IL1RAPL2: variants seen among roughly 807,000 people sequenced by gnomAD.
IL1RAPL2 encodes X-linked interleukin-1 receptor accessory protein-like 2.
In IL1RAPL2, 3 loss-of-function variants were observed where a neutral mutation model predicts 44.1. The ratio of observed to expected loss-of-function variants is 0.07; its 90% CI spans 0.03 to 0.18. The LOEUF (loss-of-function observed/expected upper bound fraction) is 0.18, where lower values mean the gene tolerates loss of function less well. Ranked by LOEUF, IL1RAPL2 falls within the 10% of genes least tolerant of loss-of-function variation. IL1RAPL2 has a pLI of 1.00. For synonymous variants in IL1RAPL2, 181 were observed against 178.8 expected (o/e 1.01, Z -0.10); for missense variants, 391 against 496.4 (o/e 0.79, Z 2.02).
intron 2 of IL1RAPL2, among the ~76,000 whole-genome samples, chrX:104,664,757 A>G (rs1930460704): frequency 9.0e-6 from 1 of 111,577 alleles, no homozygotes; most frequent in South Asian, 3.8e-4. Flanking sequence ...TCATTGAGAT[A>G]CTTCCAATTC....
chrX:105,767,764 A>G lies in IL1RAPL2; in HGVS notation c.*103A>G, dbSNP rs1216533811. The G allele has an allele frequency of 1.1e-5, 7 of 610,677 alleles. No homozygotes were observed. The Admixed American group carries it at 1.7e-4, about 15-fold the overall frequency. 50.3% of individuals were successfully genotyped at this position (610,677 alleles called of 1,213,427 possible). A position where few individuals can be genotyped will look rare whatever the true frequency, so the allele number is the denominator to read the frequency against. On this transcript the variant is annotated 3_prime_UTR_variant, in exon 11 of 11. Transcript: ENST00000372582. ...AACGTTGTGTTAAAAAAGTGTTTGAAGAAAAAGGTACAAAAATGGCTTTTA... is the reference window on the plus strand; with the variant it reads ...AACGTTGTGTTAAAAAAGTGTTTGAGGAAAAAGGTACAAAAATGGCTTTTA...
intron 7 of IL1RAPL2, among the ~76,000 whole-genome samples, chrX:105,738,084 C>T (rs767897008): frequency 1.2e-3 from 130 of 111,416 alleles, no homozygotes; most frequent in African/African-American, 4.1e-3. Flanking sequence ...ACTTTAAGCC[C>T]TTCCTGCTCT....
chrX:105,263,215 G>A (rs2034374286), intron 4 of IL1RAPL2, among the ~76,000 whole-genome samples: 1 of 102,705 alleles, frequency 9.7e-6, no homozygotes, highest in Admixed American at 1.1e-4. Context: ...ATGTTTAGAT[G>A]CCCTGTGGGA....
At chrX:105,467,627 A>G (rs111509571) in intron 5 of IL1RAPL2, among the ~76,000 whole-genome samples, 9,466 of 111,004 alleles carry the variant, frequency 0.085, 1,011 homozygotes, top group African/African-American at 0.29. Flanking sequence ...AGGGATCTAC[A>G]CTTTTACTTT....
intron 1 of IL1RAPL2, among the ~76,000 whole-genome samples, chrX:104,635,338 G>A (rs1378054653): frequency 2.7e-5 from 3 of 109,566 alleles, no homozygotes; most frequent in Non-Finnish European, 3.8e-5. Flanking sequence ...TGCTCTTCTC[G>A]AGGAGTATCT....
intron 3 of IL1RAPL2, among the ~76,000 whole-genome samples, chrX:105,228,525 T>C (rs782312415): frequency 8.9e-6 from 1 of 112,300 alleles, no homozygotes; most frequent in Non-Finnish European, 1.9e-5. Context: ...CCAAGATTGA[T>C]CAATATTTTC....
intron 1 of IL1RAPL2, among the ~76,000 whole-genome samples, chrX:104,633,423 C>T (rs369573963): frequency 1.5e-4 from 17 of 111,768 alleles, no homozygotes; most frequent in African/African-American, 5.5e-4. Flanking sequence ...ATGGTACCAG[C>T]TCCTCCTTGT....
In IL1RAPL2 at chrX:105,286,470, CAA is replaced by C. The variant is rs5903264; in HGVS notation, c.697+18941_697+18942del. On this transcript the variant is annotated intron_variant, in intron 5 of 10. Coordinates refer to ENST00000372582, the MANE Select transcript of IL1RAPL2 (RefSeq NM_017416.2). The stretch of plus-strand genomic sequence containing the variant: ...CCACCATTAATCTGCTTTGCAGCCT[CAA>C]AAAAAAAAAAACGAAGATGCTTTAT... 9.1e-3 allele frequency among the ~76,000 whole-genome samples: 832 copies of C among 91,366 alleles called. 12 individuals are homozygous for C. The highest frequency in any genetic ancestry group is 0.03 in the African/African-American group (794 of 26,427). 79.3% of individuals were successfully genotyped at this position (91,366 alleles called of 115,157 possible). A position where few individuals can be genotyped will look rare whatever the true frequency, so the allele number is the denominator to read the frequency against.
At chrX:105,655,045 G>C (rs986391550) in intron 6 of IL1RAPL2, among the ~76,000 whole-genome samples, 2 of 112,412 alleles carry the variant, frequency 1.8e-5, no homozygotes, top group Admixed American at 1.9e-4. Flanking sequence ...AAATCCTCTT[G>C]TGGTTCTGAG....
At chrX:105,207,559 T>TA (rs1556153572) in intron 3 of IL1RAPL2, among the ~76,000 whole-genome samples, 1 of 111,736 alleles carries the variant, frequency 8.9e-6, no homozygotes, top group Non-Finnish European at 1.9e-5. Flanking sequence ...TGTTACCTGC[T>TA]AAAAAACTCT....
intron 6 of IL1RAPL2, among the ~76,000 whole-genome samples, chrX:105,650,453 CAT>C (rs2037635349): frequency 9.0e-6 from 1 of 111,675 alleles, no homozygotes; most frequent in Admixed American, 9.5e-5. Flanking sequence ...TCCTGGGACT[CAT>C]ATTCTTCAAA....
At chrX:105,457,033 TACACAC>T (rs58305468) in intron 5 of IL1RAPL2, among the ~76,000 whole-genome samples, 202 of 85,314 alleles carry the variant, frequency 2.4e-3, no homozygotes, top group Middle Eastern at 0.012. Flanking sequence ...TCTAAAGTTA[TACACAC>T]ACACACACAC....
chrX:104,730,511 C>T (rs1286579334), intron 2 of IL1RAPL2, among the ~76,000 whole-genome samples: 11 of 105,177 alleles, frequency 1.0e-4, no homozygotes, highest in South Asian at 8.9e-4. Flanking sequence ...CTGAGAATGA[C>T]GATTTCCAAT....
chrX:104,586,207 C>G (rs1270008976), intron 1 of IL1RAPL2, among the ~76,000 whole-genome samples: 1 of 111,117 alleles, frequency 9.0e-6, no homozygotes, highest in Non-Finnish European at 1.9e-5. Flanking sequence ...TGATGTTGAG[C>G]TTTTTTTTCA....
intron 2 of IL1RAPL2, among the ~76,000 whole-genome samples, chrX:104,891,731 C>A (rs1923447326): frequency 1.8e-5 from 2 of 111,784 alleles, no homozygotes. Flanking sequence ...ACAATCATAT[C>A]ATCTGCAAAC....
intron 2 of IL1RAPL2, among the ~76,000 whole-genome samples, chrX:105,007,357 T>C: frequency 9.0e-6 from 1 of 111,587 alleles, no homozygotes; most frequent in East Asian, 2.8e-4. Flanking sequence ...ATGTGATTTG[T>C]CCAGAACTAA....
At chrX:105,026,493 G>A (rs2031374776) in intron 2 of IL1RAPL2, among the ~76,000 whole-genome samples, 1 of 110,652 alleles carries the variant, frequency 9.0e-6, no homozygotes, top group Non-Finnish European at 1.9e-5. Context: ...GATAAATTCA[G>A]TAAAGCTGCA....
chrX:104,881,546 G>T (rs1027716266), intron 2 of IL1RAPL2, among the ~76,000 whole-genome samples: 7 of 112,170 alleles, frequency 6.2e-5, no homozygotes, highest in African/African-American at 2.3e-4. Flanking sequence ...TGTTTTGCAT[G>T]CTGTACTCTG....
At chrX:105,346,566 T>C (rs1183722129) in intron 5 of IL1RAPL2, among the ~76,000 whole-genome samples, 1 of 111,954 alleles carries the variant, frequency 8.9e-6, no homozygotes, top group East Asian at 2.8e-4. Context: ...GACTGAAGCT[T>C]CATTTTGTGA....
Sources: gnomAD v4.1 joint callset for allele counts (sites outside exome capture counted in the v4.1 genomes callset) on GRCh38, gnomAD v4.1.1 for gene constraint, MANE v1.5 for transcripts, NCBI Gene and HGNC (gene_info 2026-07-23, HGNC 2026-07-21) for gene names.